The following PRUNE2 variants were observed in gnomAD, a reference collection of about 807,000 sequenced individuals.
PRUNE2 encodes protein prune homolog 2.
A neutral mutation model predicts 252.0 loss-of-function variants in PRUNE2; 164 were observed. The observed-to-expected ratio is 0.65, with a 90% confidence interval of 0.57 to 0.74. The LOEUF (loss-of-function observed/expected upper bound fraction) is 0.74, where lower values mean the gene tolerates loss of function less well. Among genes scored for constraint, PRUNE2 ranks in the 30% least tolerant of loss-of-function variants. PRUNE2 has a pLI of 0.00. For missense variants in PRUNE2, 3,495 were observed against 3,711.0 expected, an observed-to-expected ratio of 0.94 and a Z score of 1.51; for synonymous variants, 1,292 against 1,350.2, an observed-to-expected ratio of 0.96 and a Z score of 0.94.
chr9:76,794,792 T>C (rs1038118869), intron 6 of PRUNE2, among the ~76,000 whole-genome samples: 1 of 152,126 alleles, frequency 6.6e-6, no homozygotes, highest in African/African-American at 2.4e-5. Context: ...ATAATGGGAA[T>C]GCAAATACCA....
intron 6 of PRUNE2, among the ~76,000 whole-genome samples, chr9:76,724,986 G>A (rs1267743065): frequency 6.6e-6 from 1 of 151,896 alleles, no homozygotes; most frequent in Admixed American, 6.6e-5. Flanking sequence ...CTACACTCTA[G>A]CTCCCAGATA....
intron 4 of PRUNE2, among the ~76,000 whole-genome samples, chr9:76,828,101 ATAT>A (rs1293753541): frequency 1.3e-5 from 2 of 152,230 alleles, no homozygotes; most frequent in African/African-American, 4.8e-5. Flanking sequence ...AGAATAAGAA[ATAT>A]TATGGGTGAA....
In PRUNE2 at chr9:76,708,997, GGTTT is replaced by G; in HGVS notation, c.3273_3276del (p.Asn1092AspfsTer26). The stretch of plus-strand genomic sequence containing the variant: ...CTGCTGTGCAAAAGTGTGAGTTGTC[GGTTT>G]GTTTCATTGTACAGTTGCATCATGC... On this transcript the variant is annotated frameshift_variant, in exon 8 of 19. Transcript: ENST00000376718. LOFTEE classifies it high-confidence loss of function. The G allele has an allele frequency of 6.2e-7, 1 of 1,613,942 alleles. No individual in the cohort carries two copies. The highest frequency in any genetic ancestry group is 8.5e-7 in the Non-Finnish European group (1 of 1,179,876).
chr9:76,614,750 G>A (rs1587583997), intron 18 of PRUNE2, 150 bp from the exon 19 acceptor site: 1 of 633,762 alleles, frequency 1.6e-6, no homozygotes, highest in East Asian at 2.9e-5. Context: ...GAAAAATCTG[G>A]TAAAACCCAA....
intron 1 of PRUNE2, among the ~76,000 whole-genome samples, chr9:76,885,049 C>T (rs748255641): frequency 9.2e-5 from 14 of 152,324 alleles, no homozygotes; most frequent in East Asian, 1.9e-4. Flanking sequence ...TCTGTGTGTG[C>T]CACACCTTTC....
chr9:76,862,746 T>C (rs962083140), intron 1 of PRUNE2: 3 of 152,368 alleles, frequency 2.0e-5, no homozygotes, highest in South Asian at 2.1e-4. Context: ...TTAATTACTA[T>C]ATTAAATGTA....
At chr9:76,803,484 T>C (rs1007931855) in intron 6 of PRUNE2, among the ~76,000 whole-genome samples, 2 of 152,172 alleles carry the variant, frequency 1.3e-5, no homozygotes, top group African/African-American at 4.8e-5. Context: ...CCAATCCCCA[T>C]GATTTTTTCT....
At chr9:76,659,661 A>G (rs890705103) in intron 9 of PRUNE2, among the ~76,000 whole-genome samples, 3 of 152,108 alleles carry the variant, frequency 2.0e-5, no homozygotes, top group Non-Finnish European at 2.9e-5. Context: ...ATTATATACT[A>G]CAAGTTGAGA....
intron 9 of PRUNE2, among the ~76,000 whole-genome samples, chr9:76,699,455 AG>A (rs1360896220): frequency 6.6e-6 from 1 of 152,196 alleles, no homozygotes; most frequent in East Asian, 1.9e-4. Context: ...CCATAATGTG[AG>A]GGGGCCTTCA....
intron 17 of PRUNE2, among the ~76,000 whole-genome samples, chr9:76,620,788 C>T (rs1331881787): frequency 6.6e-6 from 1 of 152,194 alleles, no homozygotes; most frequent in Middle Eastern, 3.2e-3. Context: ...CAAGAAAGGG[C>T]AATCTTCCAA....
At chr9:76,619,832 T>C (rs923016995) in intron 17 of PRUNE2, among the ~76,000 whole-genome samples, 6 of 152,288 alleles carry the variant, frequency 3.9e-5, no homozygotes, top group African/African-American at 1.4e-4. Flanking sequence ...AAAGAAAAAA[T>C]GTCAGCGTCA....
chr9:76,744,321 C>CT (rs1381945046), intron 6 of PRUNE2, among the ~76,000 whole-genome samples: 2 of 152,182 alleles, frequency 1.3e-5, no homozygotes, highest in Admixed American at 1.3e-4. Context: ...GGGAGAACTC[C>CT]TTCCAGAAGA....
intron 12 of PRUNE2, among the ~76,000 whole-genome samples, chr9:76,644,305 AT>A (rs1843843923): frequency 6.6e-6 from 1 of 152,142 alleles, no homozygotes; most frequent in Non-Finnish European, 1.5e-5. Flanking sequence ...TAAAAAAAAA[AT>A]CCCCAAAGCT....
chr9:76,732,529 T>C (rs1303967438), intron 6 of PRUNE2, among the ~76,000 whole-genome samples: 1 of 152,206 alleles, frequency 6.6e-6, no homozygotes, highest in African/African-American at 2.4e-5. Context: ...CTGCTAAGGA[T>C]TCCTTATTTC....
At chr9:76,839,889 C>T (rs2059285155) in intron 4 of PRUNE2, among the ~76,000 whole-genome samples, 1 of 152,064 alleles carries the variant, frequency 6.6e-6, no homozygotes, top group South Asian at 2.1e-4. Flanking sequence ...ATGTATAACT[C>T]CTAGATGATG....
At chr9:76,809,192 CT>C (rs1354414523) in intron 6 of PRUNE2, among the ~76,000 whole-genome samples, 3 of 152,182 alleles carry the variant, frequency 2.0e-5, no homozygotes, top group Non-Finnish European at 2.9e-5. Context: ...CTATGTGCTT[CT>C]TTCGTATAGG....
At chr9:76,641,593 G>GC (rs1842610667) in intron 12 of PRUNE2, among the ~76,000 whole-genome samples, 3 of 152,118 alleles carry the variant, frequency 2.0e-5, no homozygotes, top group African/African-American at 7.2e-5. Flanking sequence ...TCTCAAATAT[G>GC]CAGCTTACTC....
At chr9:76,891,310 T>A (rs1288454100) in intron 1 of PRUNE2, among the ~76,000 whole-genome samples, 1 of 152,208 alleles carries the variant, frequency 6.6e-6, no homozygotes. Context: ...TAAACTTCTT[T>A]CCCACATTAC....
At chr9:76,642,166 A>G (rs1842909221) in intron 12 of PRUNE2, among the ~76,000 whole-genome samples, 1 of 152,114 alleles carries the variant, frequency 6.6e-6, no homozygotes, top group Non-Finnish European at 1.5e-5. Context: ...AAAACCATTC[A>G]AACCCCTCTT....
Sources: gnomAD v4.1 joint callset for allele counts (sites outside exome capture counted in the v4.1 genomes callset) on GRCh38, gnomAD v4.1.1 for gene constraint, MANE v1.5 for transcripts, NCBI Gene and HGNC (gene_info 2026-07-23, HGNC 2026-07-21) for gene names.